Variants in CDC37 observed in about 807,000 individuals in gnomAD.
CDC37 encodes the protein hsp90 co-chaperone Cdc37.
CDC37 carries 9 observed loss-of-function variants against 46.9 expected under a neutral mutation model. The ratio of observed to expected loss-of-function variants is 0.19; its 90% CI spans 0.12 to 0.33. CDC37 has a LOEUF of 0.33. CDC37 is among the 10% of genes least tolerant of loss of function. The pLI is 1.00. For synonymous variants in CDC37, 193 were observed against 191.0 expected (o/e 1.01, Z -0.09); for missense variants, 388 against 514.6 (o/e 0.75, Z 2.38).
chr19:10,392,699 T>C (rs2042464037), intron 7 of CDC37: 1 of 252,354 alleles, frequency 4.0e-6, no homozygotes, highest in Non-Finnish European at 7.8e-6. Flanking sequence ...AGGAAGACCC[T>C]GTCTCTCAAA....
Position 10,391,692 on chromosome 19 carries a change from G to A in CDC37, c.996C>T (p.His332=). The change falls in exon 8 of 8, where the codon CAC becomes CAT. Residue 332 remains histidine (H), a synonymous_variant. Coordinates refer to ENST00000222005, the MANE Select transcript of CDC37 (RefSeq NM_007065.4). ...SKMDPTDAKY[H]MQRCIDSGLW... is the part of the protein sequence containing the mutation. ...GGCCAGAGTCAATGCAGCGCTGCAT[G>A]TGGTACTTTGCGTCCTGTGAGGAGA... 6.2e-7 allele frequency: 1 copy of A among 1,613,400 alleles called. No individual in the cohort carries two copies. Among genetic ancestry groups the A allele is most frequent in the Non-Finnish European group, 8.5e-7 (1 of 1,179,776 alleles).
In CDC37 at chr19:10,396,062, C is replaced by G. The variant is rs2042490422; in HGVS notation, c.244G>C (p.Glu82Gln). The G allele has an allele frequency of 6.2e-7, 1 of 1,614,032 alleles. No homozygotes were observed. Among genetic ancestry groups the G allele is most frequent in the East Asian group, 2.2e-5 (1 of 44,856 alleles). The change falls in exon 2 of 8, where the codon GAG becomes CAG. Residue 82 changes from glutamate to glutamine, a missense_variant. Physicochemically the swap from Glu to Gln is conservative, Grantham distance 29 (BLOSUM62 2). Transcript: ENST00000222005. This position sits in a 1 kb window ranked among gnomAD's most constrained non-coding sequence, Gnocchi z 5.9. ...EVAEGGKAELERLQAEAQQLR... is the reference protein window; with the variant it reads ...EVAEGGKAELQRLQAEAQQLR... ...TGCTGTGCCTCGGCCTGCAGGCGCT[C>G]CAGCTCTGCCTTGCCGCCCTCGGCC...
Position 10,391,640 on chromosome 19 carries a change from C to G in CDC37, c.1048G>C (p.Glu350Gln), listed in dbSNP as rs746058388. 1 of 1,614,148 alleles carries G rather than the reference C, an allele frequency of 6.2e-7. No homozygotes were observed. The highest frequency in any genetic ancestry group is 2.2e-5 in the East Asian group (1 of 44,868). ...GLWVPNSKAS[E>Q]AKEGEEAGPG... ...CCTGCCTCCTCTCCCTCCTTGGCCT[C>G]GCTGGCCTTAGAGTTGGGGACCCAG... The change falls in exon 8 of 8, where the codon GAG becomes CAG. Residue 350 changes from glutamate (E) to glutamine (Q), a missense_variant. This residue lies in a region of CDC37 where 374 missense variants were observed against 467.4 expected (regional missense o/e 0.80). Coordinates refer to ENST00000222005, the MANE Select transcript of CDC37 (RefSeq NM_007065.4).
intron 1 of CDC37, among the ~76,000 whole-genome samples, chr19:10,401,883 G>A (rs942654412): frequency 2.0e-5 from 3 of 152,060 alleles, no homozygotes; most frequent in Admixed American, 6.6e-5. Context: ...GGCTGGGTGC[G>A]GTGGCTCACG....
Position 10,403,357 on chromosome 19 carries a change from G to A in CDC37, c.102+21C>T, listed in dbSNP as rs775948172. ...AAGCGGGGTCCGGGAGTGGGGAAAG[G>A]GATGGGCGCGCGCGCCTTACCTGAT... On this transcript the variant is annotated intron_variant, in intron 1 of 7. Transcript: ENST00000222005. 3.8e-6 allele frequency: 6 copies of A among 1,594,934 alleles called. No individual in the cohort carries two copies. The Admixed American group carries it at 6.7e-5, about 18-fold the overall frequency.
intron 2 of CDC37, 139 bp downstream of exon 2, chr19:10,395,789 C>G: frequency 3.0e-6 from 2 of 666,828 alleles, no homozygotes; most frequent in Non-Finnish European, 4.6e-6. Context: ...CCGTCCATCC[C>G]TCAGCTCCCC....
Position 10,395,976 on chromosome 19 carries a change from C to T in CDC37, c.330G>A (p.Lys110=). Residue 110 remains lysine (K), a synonymous_variant, in exon 2 of 8, where the codon AAG becomes AAA. Transcript: ENST00000222005. ...GCGTGTCCACGTTCCAGGGCATGCT[C>T]TTCTCCTTCTTGCGCATCTCCTCCA... ...QKLEEMRKKE[K]SMPWNVDTLS... 3 of 1,575,494 alleles carry T rather than the reference C, an allele frequency of 1.9e-6. No individual in the cohort carries two copies. The highest frequency in any genetic ancestry group is 2.2e-5 in the South Asian group (2 of 90,624).
Position 10,393,979 on chromosome 19 carries a change from A to G in CDC37, c.727-538T>C, listed in dbSNP as rs1353186763. 1.3e-5 allele frequency among the ~76,000 whole-genome samples: 2 copies of G among 152,076 alleles called. No individual in the cohort carries two copies. Among genetic ancestry groups the G allele is most frequent in the East Asian group, 3.9e-4 (2 of 5,186 alleles). ...GTGGCACATGCCTGTAGTCCCAGCT[A>G]CTCAGGAGGTTGAGGCTGGAGGATC... On this transcript the variant is annotated intron_variant, in intron 5 of 7. Coordinates refer to ENST00000222005, the MANE Select transcript of CDC37 (RefSeq NM_007065.4). The surrounding 1 kb of genome is among the most constrained non-coding windows in gnomAD (Gnocchi z 4.9).
chr19:10,403,480 C>T lies in CDC37; in HGVS notation c.-1G>A, dbSNP rs1394992367. ...GGTCCCACACGCTGTAGTCCACCAT[C>T]TTGCCTTGGCGGCCCAGCCCGCTCC... is the stretch of plus-strand genomic sequence containing the variant. On this transcript the variant is annotated 5_prime_UTR_variant, in exon 1 of 8. Coordinates refer to ENST00000222005, the MANE Select transcript of CDC37 (RefSeq NM_007065.4). 1.9e-6 allele frequency: 3 copies of T among 1,611,588 alleles called. No homozygotes were observed. The highest frequency in any genetic ancestry group is 2.7e-5 in the African/African-American group (2 of 74,900).
Position 10,395,537 on chromosome 19 carries a change from C to G in CDC37, c.385G>C (p.Val129Leu). ...LSKDGFSKSM[V>L]NTKPEKTEED... is the part of the protein sequence containing the mutation. The stretch of plus-strand genomic sequence containing the variant: ...TCCGTCTTCTCGGGCTTGGTATTTA[C>G]CATGCTCTGTGGTAGGGTGAGAGGG... The change falls in exon 3 of 8, where the codon GTA becomes CTA. Residue 129 changes from valine to leucine, a missense_variant. By Grantham distance (32) the Val-to-Leu change is conservative. Around this residue, in one of 2 missense-constraint regions of CDC37, gnomAD observed 374 missense variants for 467.4 expected, o/e 0.80. Transcript: ENST00000222005. 1 of 1,613,198 alleles carries G rather than the reference C, an allele frequency of 6.2e-7. No individual in the cohort carries two copies. The highest frequency in any genetic ancestry group is 8.5e-7 in the Non-Finnish European group (1 of 1,179,058).
At chr19:10,399,931 TAAAAAAAA>T (rs56162717) in intron 1 of CDC37, among the ~76,000 whole-genome samples, 24 of 48,320 alleles carry the variant, frequency 5.0e-4, no homozygotes, top group African/African-American at 6.7e-4. Context: ...GACTCCGTCT[TAAAAAAAA>T]AAAAAAAAAA....
chr19:10,393,326 T>G lies in CDC37; in HGVS notation c.842A>C (p.Glu281Ala), dbSNP rs748199547. The G allele has an allele frequency of 4.8e-5, 78 of 1,613,760 alleles. 1 individual carries two copies. The South Asian group carries it at 6.6e-4, about 14-fold the overall frequency. Residue 281 changes from glutamate (E) to alanine (A), a missense_variant, in exon 6 of 8, where the codon GAG becomes GCG. Physicochemically the swap from Glu to Ala is moderately radical, Grantham distance 107 (BLOSUM62 -1). Coordinates refer to ENST00000222005, the MANE Select transcript of CDC37 (RefSeq NM_007065.4). The surrounding 1 kb of genome is among the most constrained non-coding windows in gnomAD (Gnocchi z 4.9). ...GGGGCCGAGCCGCTTCTTGCGCTCC[T>G]CCTCCTCGTACTCCTTCATGGCCTT... ...IEKAMKEYEE[E>A]ERKKRLGPGG...
chr19:10,395,904 G>GGGGGCCC, intron 2 of CDC37, 24 bp downstream of exon 2: 1 of 1,541,894 alleles, frequency 6.5e-7, no homozygotes. Flanking sequence ...CATGCGCACT[G>GGGGGCCC]CCCGCCCCGC....
Position 10,393,432 on chromosome 19 carries a change from G to T in CDC37, c.736C>A (p.Arg246Ser), listed in dbSNP as rs1269283551. The change falls in exon 6 of 8, where the codon CGC becomes AGC. Residue 246 changes from arginine (R) to serine (S), a missense_variant. Around this residue, in one of 2 missense-constraint regions of CDC37, gnomAD observed 374 missense variants for 467.4 expected, o/e 0.80. Coordinates refer to ENST00000222005, the MANE Select transcript of CDC37 (RefSeq NM_007065.4). The surrounding 1 kb of genome is among the most constrained non-coding windows in gnomAD (Gnocchi z 4.9). ...TCGTTGAAGCCCTCCATGTACTGGC[G>T]ATCGGCTGTCTATGGGGGTTGGGCA... ...QFFTKIKTAD[R>S]QYMEGFNDEL... 6.2e-7 allele frequency: 1 copy of T among 1,611,810 alleles called. No homozygotes were observed. Among genetic ancestry groups the T allele is most frequent in the Non-Finnish European group, 8.5e-7 (1 of 1,179,238 alleles).
At chr19:10,402,189 CA>C (rs2042522474) in intron 1 of CDC37, among the ~76,000 whole-genome samples, 1 of 135,580 alleles carries the variant, frequency 7.4e-6, no homozygotes, top group Admixed American at 7.4e-5. Flanking sequence ...AAAAGGAATA[CA>C]ACAGACACTG....
intron 1 of CDC37, among the ~76,000 whole-genome samples, chr19:10,397,412 T>C (rs1247317358): frequency 7.2e-6 from 1 of 138,116 alleles, no homozygotes; most frequent in Non-Finnish European, 1.5e-5. Flanking sequence ...CCACCAAGCC[T>C]GGCTTTTTTT....
chr19:10,391,312 T>G lies in CDC37; in HGVS notation c.*239A>C. On this transcript the variant is annotated 3_prime_UTR_variant, in exon 8 of 8. Coordinates refer to ENST00000222005, the MANE Select transcript of CDC37 (RefSeq NM_007065.4). ...TGCCCTTCCCCGGACCCCCGGGCCT[T>G]TGGCATAATGCTGATGGGGGGCTGC... The G allele has an allele frequency of 1.9e-6, 1 of 532,960 alleles. No homozygotes were observed. 33.0% of individuals were successfully genotyped at this position (532,960 alleles called of 1,614,324 possible).
At chr19:10,401,855 C>T (rs1449007910) in intron 1 of CDC37, among the ~76,000 whole-genome samples, 1 of 152,064 alleles carries the variant, frequency 6.6e-6, no homozygotes, top group African/African-American at 2.4e-5. Flanking sequence ...ATATGCCCTT[C>T]GTTTAAGAGC....
chr19:10,397,519 T>C (rs1477039117), intron 1 of CDC37, among the ~76,000 whole-genome samples: 1 of 151,638 alleles, frequency 6.6e-6, no homozygotes, highest in Non-Finnish European at 1.5e-5. Flanking sequence ...CAAGCAATTT[T>C]CCTGCCTCAG....
Sources: gnomAD v4.1 joint callset for allele counts (sites outside exome capture counted in the v4.1 genomes callset) on GRCh38, gnomAD v4.1.1 for gene constraint, gnomAD v4.1.1 regional missense constraint, Gnocchi (gnomAD v3.1) non-coding constraint, MANE v1.5 for transcripts, NCBI Gene and HGNC (gene_info 2026-07-23, HGNC 2026-07-21) for gene names.